The following ADCY2 variants were observed in gnomAD, a reference collection of about 807,000 sequenced individuals.
The protein encoded by ADCY2 is adenylate cyclase type 2.
ADCY2 carries 31 observed loss-of-function variants against 125.2 expected under a neutral mutation model. The observed-to-expected ratio is 0.25, with a 90% confidence interval of 0.19 to 0.33. ADCY2 has a LOEUF of 0.33. ADCY2 is among the 10% of genes least tolerant of loss of function. The probability of loss-of-function intolerance (pLI) is 1.00; values close to 1 mark genes in which losing one functional copy is unlikely to be tolerated. For missense variants in ADCY2, 904 were observed against 1,418.2 expected, an observed-to-expected ratio of 0.64 and a Z score of 5.82; for synonymous variants, 512 against 548.4, an observed-to-expected ratio of 0.93 and a Z score of 0.93.
rs184621221 is a variant in ADCY2 at position 7,728,557 on chromosome 5, A to G, written c.1871+1296A>G. 2.0e-5 allele frequency among the ~76,000 whole-genome samples: 3 copies of G among 152,300 alleles called. No individual in the cohort carries two copies. The East Asian group carries it at 5.8e-4, about 29-fold the overall frequency. On this transcript the variant is annotated intron_variant, in intron 14 of 24. Coordinates refer to ENST00000338316, the MANE Select transcript of ADCY2 (RefSeq NM_020546.3). Reference sequence around the variant, plus strand: ...CAGTTTTCCATTCAAACAAATGTTAACAAATTAAGCTCCTTAGTGTCAGGC... The same window carrying G: ...CAGTTTTCCATTCAAACAAATGTTAGCAAATTAAGCTCCTTAGTGTCAGGC...
intron 4 of ADCY2, among the ~76,000 whole-genome samples, chr5:7,675,557 C>G (rs536720206): frequency 5.3e-5 from 8 of 152,172 alleles, no homozygotes; most frequent in Non-Finnish European, 8.8e-5. Context: ...ACTTTGCGCC[C>G]GTCGAGGCTA....
At chr5:7,573,843 C>A (rs998844086) in intron 3 of ADCY2, among the ~76,000 whole-genome samples, 1 of 146,246 alleles carries the variant, frequency 6.8e-6, no homozygotes, top group African/African-American at 2.5e-5. Flanking sequence ...ATGTGCCATG[C>A]TGGTGCACTG....
intron 2 of ADCY2, among the ~76,000 whole-genome samples, chr5:7,491,445 A>G (rs1420439615): frequency 2.0e-5 from 3 of 152,104 alleles, no homozygotes; most frequent in Non-Finnish European, 4.4e-5. Flanking sequence ...TCTTCCATTT[A>G]TCTTTGTGTT....
At chr5:7,587,865 G>A (rs1256494864) in intron 3 of ADCY2, among the ~76,000 whole-genome samples, 1 of 152,208 alleles carries the variant, frequency 6.6e-6, no homozygotes, top group Non-Finnish European at 1.5e-5. Flanking sequence ...GCTGCCAGAA[G>A]TCTGGGACTG....
At chr5:7,419,358 A>G (rs943659000) in intron 2 of ADCY2, among the ~76,000 whole-genome samples, 2 of 152,136 alleles carry the variant, frequency 1.3e-5, no homozygotes, top group Non-Finnish European at 2.9e-5. Context: ...AGCCCAGGAA[A>G]ACCGCCAGAC....
chr5:7,475,356 T>G (rs563124384), intron 2 of ADCY2, among the ~76,000 whole-genome samples: 1 of 151,758 alleles, frequency 6.6e-6, no homozygotes, highest in Admixed American at 6.6e-5. Context: ...GGAGAGGTCC[T>G]GTGCTGGAGG....
chr5:7,727,709 G>T (rs1419868154), intron 14 of ADCY2, among the ~76,000 whole-genome samples: 1 of 151,846 alleles, frequency 6.6e-6, no homozygotes, highest in Non-Finnish European at 1.5e-5. Flanking sequence ...TGTGTTACAC[G>T]GCCCTCTCTT....
intron 17 of ADCY2, among the ~76,000 whole-genome samples, chr5:7,770,963 C>T (rs933238675): frequency 1.3e-5 from 2 of 152,154 alleles, no homozygotes; most frequent in Non-Finnish European, 2.9e-5. Flanking sequence ...GCTCATATTT[C>T]GTTATATTCA....
At chr5:7,561,489 T>C (rs543814796) in intron 3 of ADCY2, among the ~76,000 whole-genome samples, 1 of 151,986 alleles carries the variant, frequency 6.6e-6, no homozygotes. Flanking sequence ...TATACTTTTA[T>C]GAAACTATCA....
intron 3 of ADCY2, among the ~76,000 whole-genome samples, chr5:7,538,614 T>G (rs189054669): frequency 8.5e-5 from 13 of 152,222 alleles, no homozygotes; most frequent in Admixed American, 7.2e-4. Flanking sequence ...TTTAACATTT[T>G]AAATGTTAAT....
At chr5:7,515,370 G>A (rs1447434875) in intron 2 of ADCY2, among the ~76,000 whole-genome samples, 1 of 152,128 alleles carries the variant, frequency 6.6e-6, no homozygotes, top group Non-Finnish European at 1.5e-5. Context: ...CTTATGTTTT[G>A]GGGTAGGCAG....
At chr5:7,750,300 T>G (rs937946296) in intron 15 of ADCY2, among the ~76,000 whole-genome samples, 3 of 152,166 alleles carry the variant, frequency 2.0e-5, no homozygotes, top group Non-Finnish European at 2.9e-5. Flanking sequence ...AACCGTAACA[T>G]GTACACATGA....
At chr5:7,515,695 G>C (rs1744229630) in intron 2 of ADCY2, among the ~76,000 whole-genome samples, 1 of 152,184 alleles carries the variant, frequency 6.6e-6, no homozygotes, top group Non-Finnish European at 1.5e-5. Flanking sequence ...GTCATGGCTT[G>C]GTTCATATTA....
chr5:7,473,310 G>A (rs185881451), intron 2 of ADCY2, among the ~76,000 whole-genome samples: 63 of 152,226 alleles, frequency 4.1e-4, no homozygotes, highest in Admixed American at 9.8e-4. Flanking sequence ...CCAACATGGC[G>A]GAAGGAATAG....
At chr5:7,548,738 AGTTGACACAGTATG>A (rs1294631127) in intron 3 of ADCY2, among the ~76,000 whole-genome samples, 2 of 152,184 alleles carry the variant, frequency 1.3e-5, no homozygotes, top group Non-Finnish European at 2.9e-5. Flanking sequence ...AGTGGAGTCG[AGTTGACACAGTATG>A]TCCATACTTT....
At chr5:7,682,673 C>T (rs561060112) in intron 4 of ADCY2, among the ~76,000 whole-genome samples, 1 of 152,298 alleles carries the variant, frequency 6.6e-6, no homozygotes, top group East Asian at 1.9e-4. Flanking sequence ...CCCCTCTGGA[C>T]AGATCATAGT....
intron 3 of ADCY2, among the ~76,000 whole-genome samples, chr5:7,558,284 A>G (rs1735599567): frequency 1.3e-5 from 2 of 152,004 alleles, no homozygotes; most frequent in South Asian, 4.1e-4. Flanking sequence ...AGCTCCAGGG[A>G]TCAAGGAGTC....
At chr5:7,603,784 C>CTTTTTTTTTTTTTTTTTTTTT in intron 3 of ADCY2, among the ~76,000 whole-genome samples, 116 of 62,800 alleles carry the variant, frequency 1.8e-3, no homozygotes, top group East Asian at 2.4e-3. Flanking sequence ...TGCTCTCTTT[C>CTTTTTTTTTTTTTTTTTTTTT]TTTTTTTTTT....
At chr5:7,494,956 G>A (rs1743295396) in intron 2 of ADCY2, among the ~76,000 whole-genome samples, 1 of 152,196 alleles carries the variant, frequency 6.6e-6, no homozygotes, top group South Asian at 2.1e-4. Flanking sequence ...TGTTGTGGAT[G>A]TGCCAGTGGC....
Sources: gnomAD v4.1 joint callset for allele counts (sites outside exome capture counted in the v4.1 genomes callset) on GRCh38, gnomAD v4.1.1 for gene constraint, MANE v1.5 for transcripts, NCBI Gene and HGNC (gene_info 2026-07-23, HGNC 2026-07-21) for gene names.